The following POU2F1 variants were observed in gnomAD, a reference collection of about 807,000 sequenced individuals.
POU2F1 encodes the protein POU domain, class 2, transcription factor 1.
Under a neutral mutation model 84.9 loss-of-function variants are expected in POU2F1, and 16 were observed. The ratio of observed to expected loss-of-function variants is 0.19; its 90% CI spans 0.13 to 0.29. The LOEUF (loss-of-function observed/expected upper bound fraction) is 0.29. POU2F1 is among the 10% of genes least tolerant of loss of function. The probability of loss-of-function intolerance (pLI) is 1.00; values close to 1 mark genes in which losing one functional copy is unlikely to be tolerated. For synonymous variants in POU2F1, 368 were observed against 368.3 expected (o/e 1.00, Z 0.01); for missense variants, 738 against 942.6 (o/e 0.78, Z 2.84).
At chr1:167,332,395 CCA>C in intron 1 of POU2F1, 73 bp from the exon 2 acceptor site, 1 of 1,104,952 alleles carries the variant, frequency 9.1e-7, no homozygotes, top group Non-Finnish European at 1.4e-6. Flanking sequence ...CTTTTCTCTG[CCA>C]CAGTTTTGCC....
intron 3 of POU2F1, among the ~76,000 whole-genome samples, chr1:167,366,908 A>G (rs533019622): frequency 9.9e-5 from 15 of 152,270 alleles, no homozygotes; most frequent in Admixed American, 3.3e-4. Context: ...TGGCTTAAAT[A>G]TGTGATGGTC....
chr1:167,376,162 T>A lies in POU2F1; in HGVS notation c.718+7T>A. ...ACGCCCCAGGGCCAGCAGGGTGAGC[T>A]CCTCCTTAGAGCTTATTAGTGGTAT... On this transcript the variant is annotated splice_region_variant and intron_variant, in intron 7 of 15. Coordinates refer to ENST00000367866, the MANE Select transcript of POU2F1 (RefSeq NM_002697.4). 2 of 1,614,098 alleles carry A rather than the reference T, an allele frequency of 1.2e-6. No individual in the cohort carries two copies. Among genetic ancestry groups the A allele is most frequent in the Non-Finnish European group, 8.5e-7 (1 of 1,180,012 alleles).
At chr1:167,245,354 C>T (rs1650232394) in intron 1 of POU2F1, among the ~76,000 whole-genome samples, 1 of 151,862 alleles carries the variant, frequency 6.6e-6, no homozygotes, top group Admixed American at 6.6e-5. Context: ...AGTGATCCTC[C>T]CAACTCAACC....
In POU2F1 at chr1:167,376,118, G is replaced by A. The variant is rs372294440; in HGVS notation, c.681G>A (p.Ala227=). The change falls in exon 7 of 16, where the codon GCG becomes GCA. Residue 227 remains alanine, a synonymous_variant. Coordinates refer to ENST00000367866, the MANE Select transcript of POU2F1 (RefSeq NM_002697.4). ...ATCCAACCACCAATTTGCAGCCAGC[G>A]CAGTTTATCATCTCACAGACGCCCC... The part of the protein sequence containing the change: ...LVHPTTNLQP[A]QFIISQTPQG... 4.0e-5 allele frequency: 65 copies of A among 1,614,200 alleles called. No individual in the cohort carries two copies. The East Asian group carries it at 7.6e-4, about 19-fold the overall frequency.
intron 2 of POU2F1, among the ~76,000 whole-genome samples, chr1:167,354,794 T>A (rs182198828): frequency 6.6e-6 from 1 of 152,180 alleles, no homozygotes; most frequent in Non-Finnish European, 1.5e-5. Flanking sequence ...AGATTGAACA[T>A]CTTTTCCTGT....
At chr1:167,242,932 C>T (rs1650017549) in intron 1 of POU2F1, among the ~76,000 whole-genome samples, 1 of 152,032 alleles carries the variant, frequency 6.6e-6, no homozygotes. Flanking sequence ...CCCTCTCTCC[C>T]TCCCCCTCCT....
intron 1 of POU2F1, among the ~76,000 whole-genome samples, chr1:167,248,467 G>A (rs922508214): frequency 2.0e-5 from 3 of 152,200 alleles, no homozygotes; most frequent in Non-Finnish European, 4.4e-5. Flanking sequence ...GGGAAAGGGA[G>A]GCAAGGAGCA....
intron 2 of POU2F1, among the ~76,000 whole-genome samples, chr1:167,335,130 G>A (rs1203665581): frequency 6.6e-6 from 1 of 152,046 alleles, no homozygotes; most frequent in Non-Finnish European, 1.5e-5. Flanking sequence ...TTATAGTTTA[G>A]GTTTTTAAAA....
At chr1:167,320,979 G>A (rs955294855) in intron 1 of POU2F1, among the ~76,000 whole-genome samples, 6 of 152,246 alleles carry the variant, frequency 3.9e-5, no homozygotes, top group East Asian at 1.9e-4. Context: ...TCAATTGATC[G>A]CTATGTATGG....
chr1:167,322,568 G>A (rs1656395297), intron 1 of POU2F1, among the ~76,000 whole-genome samples: 1 of 152,236 alleles, frequency 6.6e-6, no homozygotes, highest in South Asian at 2.1e-4. Flanking sequence ...ACAGGGGTGA[G>A]GGAATGGCCT....
intron 1 of POU2F1, among the ~76,000 whole-genome samples, chr1:167,298,024 G>A (rs1654409403): frequency 6.6e-6 from 1 of 152,068 alleles, no homozygotes; most frequent in Non-Finnish European, 1.5e-5. Flanking sequence ...TACTTGGGAG[G>A]CTGAGGCAGG....
At chr1:167,245,507 C>T (rs1479118434) in intron 1 of POU2F1, among the ~76,000 whole-genome samples, 2 of 151,464 alleles carry the variant, frequency 1.3e-5, no homozygotes, top group South Asian at 2.1e-4. Flanking sequence ...TCCACCTACC[C>T]GGTTCAAGTG....
At chr1:167,239,898 C>T (rs1407946525) in intron 1 of POU2F1, among the ~76,000 whole-genome samples, 1 of 149,654 alleles carries the variant, frequency 6.7e-6, no homozygotes, top group Non-Finnish European at 1.5e-5. Flanking sequence ...CAGAAAAATA[C>T]TAAGACAAAA....
At chr1:167,329,024 C>G (rs1656896420) in intron 1 of POU2F1, 5 of 1,123,824 alleles carry the variant, frequency 4.4e-6, no homozygotes, top group Non-Finnish European at 5.5e-6. Context: ...AATGTCAGTC[C>G]TAGCTGGTAG....
intron 1 of POU2F1, among the ~76,000 whole-genome samples, chr1:167,242,850 A>G (rs962767834): frequency 1.3e-5 from 2 of 152,202 alleles, no homozygotes; most frequent in African/African-American, 2.4e-5. Flanking sequence ...CTGTATCTGT[A>G]TATGTATGGG....
intron 1 of POU2F1, among the ~76,000 whole-genome samples, chr1:167,275,461 G>T (rs530262358): frequency 1.3e-5 from 2 of 151,960 alleles, no homozygotes; most frequent in Admixed American, 1.3e-4. Flanking sequence ...ACAGAAGGCC[G>T]CAATGGCCCT....
chr1:167,354,543 C>T lies in POU2F1; in HGVS notation c.128-10924C>T, dbSNP rs1022739773. 3.9e-5 allele frequency among the ~76,000 whole-genome samples: 6 copies of T among 152,254 alleles called. No homozygotes were observed. In the South Asian group the frequency reaches 6.2e-4, roughly 16 times the overall value. Reference sequence around the variant, plus strand: ...CTGACCTCAGGTGATCTGCCCGTCTCGGCCTCCTGAAGTGCTGGGATTACA... The same window carrying T: ...CTGACCTCAGGTGATCTGCCCGTCTTGGCCTCCTGAAGTGCTGGGATTACA... On this transcript the variant is annotated intron_variant, in intron 2 of 15. Coordinates refer to ENST00000367866, the MANE Select transcript of POU2F1 (RefSeq NM_002697.4).
chr1:167,254,356 A>T (rs1650974525), intron 1 of POU2F1, among the ~76,000 whole-genome samples: 1 of 152,238 alleles, frequency 6.6e-6, no homozygotes, highest in Non-Finnish European at 1.5e-5. Flanking sequence ...TCCTGAGGCT[A>T]GCCACTTGCC....
intron 7 of POU2F1, among the ~76,000 whole-genome samples, chr1:167,381,671 C>T (rs1262936973): frequency 1.5e-5 from 2 of 136,430 alleles, no homozygotes; most frequent in African/African-American, 2.8e-5. Context: ...AGTACAGTGG[C>T]GCAGTCTTGT....
Sources: allele counts gnomAD v4.1 joint callset (sites outside exome capture counted in the v4.1 genomes callset), GRCh38; gene constraint gnomAD v4.1.1; transcripts MANE v1.5; gene names NCBI Gene and HGNC (gene_info 2026-07-23, HGNC 2026-07-21).